The following STAC variants were observed in gnomAD, a reference collection of about 807,000 sequenced individuals.
STAC encodes the protein SH3 and cysteine-rich domain-containing protein.
In STAC, 43 loss-of-function variants were observed where a neutral mutation model predicts 48.8. That is an observed-to-expected ratio of 0.88 (90% CI 0.69 to 1.14). The LOEUF is 1.14. Ranked by LOEUF, STAC falls within the 50% of genes most tolerant of loss-of-function variation. The pLI is 0.00. For missense variants in STAC, 497 were observed against 504.0 expected (o/e 0.99, Z 0.13); for synonymous variants, 193 against 179.5 (o/e 1.07, Z -0.60).
At chr3:36,404,157 T>A (rs570539408) in intron 1 of STAC, among the ~76,000 whole-genome samples, 5 of 151,972 alleles carry the variant, frequency 3.3e-5, no homozygotes, top group African/African-American at 1.2e-4. Context: ...AATAAGGAGA[T>A]CTAAACAAAT....
intron 2 of STAC, among the ~76,000 whole-genome samples, chr3:36,458,169 T>G (rs1248047683): frequency 1.3e-5 from 2 of 152,122 alleles, no homozygotes; most frequent in African/African-American, 4.8e-5. Flanking sequence ...AATTACTATA[T>G]TATTGAATTT....
At position 36,454,101 on chromosome 3, in the gene STAC, A is replaced by G. The variant is rs531230275; in HGVS notation, c.388+10461A>G. Among the ~76,000 whole-genome samples the G allele has an allele frequency of 2.0e-5, 3 of 152,250 alleles. No homozygotes were observed. In the South Asian group the frequency reaches 6.2e-4, roughly 32 times the overall value. On this transcript the variant is annotated intron_variant, in intron 2 of 10. Transcript: ENST00000273183. ...CAGCAGGATGTGGGTGGGGCCAAAT[A>G]AGAGAATAAAAGCAGGCTGCCCTAG...
At chr3:36,463,919 T>G (rs1450957618) in intron 2 of STAC, among the ~76,000 whole-genome samples, 1 of 152,126 alleles carries the variant, frequency 6.6e-6, no homozygotes, top group Non-Finnish European at 1.5e-5. Flanking sequence ...AGTCTATCAT[T>G]GTTGGACATT....
chr3:36,485,353 T>C (rs1302683892), intron 4 of STAC, among the ~76,000 whole-genome samples: 1 of 152,150 alleles, frequency 6.6e-6, no homozygotes, highest in Non-Finnish European at 1.5e-5. Context: ...GAGAATGGCT[T>C]CCCCCAGACC....
At chr3:36,413,979 C>A (rs1488602336) in intron 1 of STAC, among the ~76,000 whole-genome samples, 1 of 152,034 alleles carries the variant, frequency 6.6e-6, no homozygotes, top group South Asian at 2.1e-4. Context: ...AAATTCTTTT[C>A]TTTAAGAATG....
chr3:36,442,046 G>A (rs1696365018), intron 1 of STAC, among the ~76,000 whole-genome samples: 1 of 152,094 alleles, frequency 6.6e-6, no homozygotes, highest in Non-Finnish European at 1.5e-5. Flanking sequence ...TCTATAGGTT[G>A]TCTCTTCACT....
chr3:36,443,420 T>C lies in STAC; in HGVS notation c.168T>C (p.Ser56=), dbSNP rs1357448301. 6.2e-7 allele frequency: 1 copy of C among 1,614,198 alleles called. No individual in the cohort carries two copies. Among genetic ancestry groups the C allele is most frequent in the East Asian group, 2.2e-5 (1 of 44,880 alleles). The change falls in exon 2 of 11, where the codon AGT becomes AGC. Residue 56 remains serine, a synonymous_variant. Coordinates refer to ENST00000273183, the MANE Select transcript of STAC (RefSeq NM_003149.3). The surrounding 1 kb of genome is among the most constrained non-coding windows in gnomAD (Gnocchi z 4.2). ...AGACCAAGAGTTTACGGAGCAAAAG[T>C]GCTGACAACTTCTTCCAGCGAACCA... is the stretch of plus-strand genomic sequence containing the variant. ...SFKTKSLRSK[S]ADNFFQRTNS...
intron 2 of STAC, among the ~76,000 whole-genome samples, chr3:36,458,200 T>C (rs1229537517): frequency 6.6e-6 from 1 of 152,102 alleles, no homozygotes; most frequent in Non-Finnish European, 1.5e-5. Context: ...TTGGAAACCA[T>C]CTTGTTCAAC....
At chr3:36,384,740 A>T (rs1699581112) in intron 1 of STAC, among the ~76,000 whole-genome samples, 1 of 152,146 alleles carries the variant, frequency 6.6e-6, no homozygotes, top group South Asian at 2.1e-4. Flanking sequence ...TGGTGCTATA[A>T]GCCACCCAGT....
intron 1 of STAC, among the ~76,000 whole-genome samples, chr3:36,424,583 C>T (rs1700520767): frequency 6.6e-6 from 1 of 152,048 alleles, no homozygotes; most frequent in Admixed American, 6.6e-5. Context: ...TTTCTAAATG[C>T]CATTCCCCAA....
At chr3:36,453,214 G>A (rs1395921724) in intron 2 of STAC, among the ~76,000 whole-genome samples, 2 of 152,250 alleles carry the variant, frequency 1.3e-5, no homozygotes, top group South Asian at 2.1e-4. Flanking sequence ...CGCTCCCGGC[G>A]CCTCCTCTGC....
Position 36,484,967 on chromosome 3 carries a change from C to T in STAC, c.490-10C>T. Reference sequence around the variant, plus strand: ...ACATTAACCCCTTGCCTTCCTCATTCTCTCTCCAGCCAAAGGGGTTTCGGC... The same window carrying T: ...ACATTAACCCCTTGCCTTCCTCATTTTCTCTCCAGCCAAAGGGGTTTCGGC... On this transcript the variant is annotated splice_polypyrimidine_tract_variant and intron_variant, in intron 3 of 10. Coordinates refer to ENST00000273183, the MANE Select transcript of STAC (RefSeq NM_003149.3). 1.3e-6 allele frequency: 2 copies of T among 1,587,928 alleles called. No homozygotes were observed. The highest frequency in any genetic ancestry group is 2.3e-5 in the South Asian group (2 of 86,868).
At chr3:36,505,650 A>G in intron 7 of STAC, 96 bp from the exon 8 acceptor site, 1 of 777,206 alleles carries the variant, frequency 1.3e-6, no homozygotes, top group Non-Finnish European at 2.1e-6. Flanking sequence ...CACTGAAATT[A>G]CATTGCAATG....
At chr3:36,407,398 T>C (rs940451464) in intron 1 of STAC, among the ~76,000 whole-genome samples, 1 of 152,228 alleles carries the variant, frequency 6.6e-6, no homozygotes. Flanking sequence ...GCCCAGATCC[T>C]AATTAATTGG....
intron 2 of STAC, among the ~76,000 whole-genome samples, chr3:36,452,203 T>C (rs1696703831): frequency 1.3e-5 from 2 of 152,226 alleles, no homozygotes; most frequent in Admixed American, 1.3e-4. Context: ...TGCTTCCCTA[T>C]ACCCCACACA....
Position 36,429,283 on chromosome 3 carries a change from T to C in STAC, c.112-14081T>C, listed in dbSNP as rs183652152. On this transcript the variant is annotated intron_variant, in intron 1 of 10. Coordinates refer to ENST00000273183, the MANE Select transcript of STAC (RefSeq NM_003149.3). ...CACACCAGTCAGGAATTCAGGAGCC[T>C]TTCTCTGTAAGAATCCAACTGTTTC... 3.9e-3 allele frequency among the ~76,000 whole-genome samples: 587 copies of C among 152,314 alleles called. 3 individuals are homozygous for C. The highest frequency in any genetic ancestry group is 0.013 in the African/African-American group (552 of 41,574).
chr3:36,408,917 G>A (rs1040113911), intron 1 of STAC, among the ~76,000 whole-genome samples: 1 of 152,122 alleles, frequency 6.6e-6, no homozygotes, highest in Non-Finnish European at 1.5e-5. Flanking sequence ...TGGGTGGATG[G>A]TGTATCAATT....
At chr3:36,534,153 A>C (rs1239128635) in intron 10 of STAC, among the ~76,000 whole-genome samples, 1 of 152,210 alleles carries the variant, frequency 6.6e-6, no homozygotes, top group African/African-American at 2.4e-5. Context: ...TACTAGTGTC[A>C]TACAGAAATG....
At chr3:36,470,949 C>G (rs552455273) in intron 2 of STAC, among the ~76,000 whole-genome samples, 51 of 152,304 alleles carry the variant, frequency 3.3e-4, no homozygotes, top group African/African-American at 1.2e-3. Flanking sequence ...CAAGGATCAA[C>G]TTAATTGCTT....
Sources: allele counts gnomAD v4.1 joint callset (sites outside exome capture counted in the v4.1 genomes callset), GRCh38; gene constraint gnomAD v4.1.1; non-coding constraint Gnocchi (gnomAD v3.1); transcripts MANE v1.5; gene names NCBI Gene and HGNC (gene_info 2026-07-23, HGNC 2026-07-21).